WASF2: variants seen among roughly 807,000 people sequenced by gnomAD.
The protein encoded by WASF2 is actin-binding protein WASF2.
WASF2 carries 14 observed loss-of-function variants against 45.0 expected under a neutral mutation model. The ratio of observed to expected loss-of-function variants is 0.31; its 90% CI spans 0.21 to 0.49. The LOEUF (loss-of-function observed/expected upper bound fraction) is 0.49, where lower values mean the gene tolerates loss of function less well. WASF2 is among the 20% of genes least tolerant of loss of function. WASF2 has a pLI of 0.99. For missense variants in WASF2, 439 were observed against 636.1 expected, an observed-to-expected ratio of 0.69 and a Z score of 3.33; for synonymous variants, 200 against 236.3, an observed-to-expected ratio of 0.85 and a Z score of 1.41.
At chr1:27,462,906 G>A (rs754696522) in intron 1 of WASF2, among the ~76,000 whole-genome samples, 4 of 151,762 alleles carry the variant, frequency 2.6e-5, no homozygotes, top group African/African-American at 4.8e-5. Flanking sequence ...GGCAACCTTC[G>A]CCTCCTGCGT....
chr1:27,420,188 C>A (rs1341715318), intron 2 of WASF2, among the ~76,000 whole-genome samples: 1 of 152,054 alleles, frequency 6.6e-6, no homozygotes, highest in East Asian at 1.9e-4. Context: ...TACAGGTGTT[C>A]TAGCCACCAT....
Position 27,412,712 on chromosome 1 carries a change from C to T in WASF2, c.684G>A (p.Leu228=), listed in dbSNP as rs1474723816. 4 of 1,614,076 alleles carry T rather than the reference C, an allele frequency of 2.5e-6. No individual in the cohort carries two copies. Among genetic ancestry groups the T allele is most frequent in the Admixed American group, 1.7e-5 (1 of 60,004 alleles). The change falls in exon 7 of 9, where the codon TTG becomes TTA. Residue 228 remains leucine, a synonymous_variant. Transcript: ENST00000618852. ...AGCCAATGCTGCCATTCTGGTACAC[C>T]AAAGTGGGTGGATACCTGACAATGA... ...KLGTSGYPPT[L]VYQNGSIGCV...
At position 27,414,561 on chromosome 1, in the gene WASF2, T is replaced by C. The variant is rs1244036336; in HGVS notation, c.668+272A>G. On this transcript the variant is annotated intron_variant, in intron 6 of 8. Coordinates refer to ENST00000618852, the MANE Select transcript of WASF2 (RefSeq NM_006990.5). The surrounding 1 kb of genome is among the most constrained non-coding windows in gnomAD (Gnocchi z 4.1). ...CAATCTTTCCTCTGGGGCCCTTAGA[T>C]GTGTATCTCGCAGAGTAAGGGCACT... Among the ~76,000 whole-genome samples the C allele has an allele frequency of 6.6e-6, 1 of 152,168 alleles. No homozygotes were observed. Among genetic ancestry groups the C allele is most frequent in the Non-Finnish European group, 1.5e-5 (1 of 68,002 alleles).
At chr1:27,477,045 T>A (rs559969060) in intron 1 of WASF2, among the ~76,000 whole-genome samples, 1 of 152,220 alleles carries the variant, frequency 6.6e-6, no homozygotes, top group Non-Finnish European at 1.5e-5. Flanking sequence ...AACAAAATAC[T>A]GGCTGTCATT....
chr1:27,433,782 A>T (rs1028718131), intron 1 of WASF2, among the ~76,000 whole-genome samples: 2 of 152,244 alleles, frequency 1.3e-5, no homozygotes, highest in Admixed American at 6.5e-5. Context: ...TCACTAAGTG[A>T]TAAAATGTAT....
intron 1 of WASF2, among the ~76,000 whole-genome samples, chr1:27,487,564 C>T (rs868372690): frequency 9.9e-4 from 80 of 80,730 alleles, no homozygotes; most frequent in Admixed American, 2.5e-3. Context: ...ATATTTTATA[C>T]AATATATAAT....
chr1:27,477,188 T>C (rs1172925706), intron 1 of WASF2, among the ~76,000 whole-genome samples: 3 of 152,170 alleles, frequency 2.0e-5, no homozygotes, highest in Admixed American at 1.3e-4. Flanking sequence ...CCTAGAAAGA[T>C]ATCACAGAAG....
chr1:27,445,908 G>A (rs917893122), intron 1 of WASF2, among the ~76,000 whole-genome samples: 5 of 150,856 alleles, frequency 3.3e-5, no homozygotes, highest in Admixed American at 2.0e-4. Flanking sequence ...ACTCCTATGG[G>A]TAATTCTTAA....
intron 1 of WASF2, among the ~76,000 whole-genome samples, chr1:27,462,356 T>A (rs1463104863): frequency 6.6e-6 from 1 of 152,200 alleles, no homozygotes; most frequent in Non-Finnish European, 1.5e-5. Context: ...GGTTATTTTC[T>A]AAAAACAAAC....
intron 1 of WASF2, among the ~76,000 whole-genome samples, chr1:27,441,192 G>C (rs913860267): frequency 6.6e-6 from 1 of 151,562 alleles, no homozygotes; most frequent in African/African-American, 2.4e-5. Flanking sequence ...AGTTATGTTT[G>C]GATATACAAA....
chr1:27,463,358 G>A (rs924130652), intron 1 of WASF2, among the ~76,000 whole-genome samples: 10 of 151,992 alleles, frequency 6.6e-5, no homozygotes, highest in African/African-American at 1.9e-4. Context: ...GGCCGGATGC[G>A]GTGACACCTG....
Position 27,410,062 on chromosome 1 carries a change from C to T in WASF2, c.969G>A (p.Pro323=), listed in dbSNP as rs1450756869. ...TGCCTATCATTGGAGGCGGAGGTGGCGGAGGGGCAGGTGGTGGAGCAAACC... is the reference window on the plus strand; with the variant it reads ...TGCCTATCATTGGAGGCGGAGGTGGTGGAGGGGCAGGTGGTGGAGCAAACC... ...KPGFAPPPAP[P]PPPPPMIGIP... The change falls in exon 8 of 9, where the codon CCG becomes CCA. Residue 323 remains proline, a synonymous_variant. Transcript: ENST00000618852. This position sits in a 1 kb window ranked among gnomAD's most constrained non-coding sequence, Gnocchi z 4.2. 3.7e-6 allele frequency: 6 copies of T among 1,611,734 alleles called. No individual in the cohort carries two copies. Among genetic ancestry groups the T allele is most frequent in the South Asian group, 1.1e-5 (1 of 90,784 alleles).
intron 2 of WASF2, among the ~76,000 whole-genome samples, chr1:27,427,113 C>T (rs532494004): frequency 1.8e-4 from 27 of 152,236 alleles, no homozygotes; most frequent in Non-Finnish European, 3.1e-4. Flanking sequence ...GCAGCTGGTA[C>T]ATAAAATATG....
chr1:27,429,178 C>T (rs1230168441), intron 1 of WASF2, among the ~76,000 whole-genome samples: 2 of 151,900 alleles, frequency 1.3e-5, no homozygotes, highest in African/African-American at 4.8e-5. Context: ...GTGACTGCTG[C>T]CTGAGGTACA....
chr1:27,471,911 C>T (rs140557716), intron 1 of WASF2, among the ~76,000 whole-genome samples: 17 of 152,266 alleles, frequency 1.1e-4, no homozygotes, highest in Non-Finnish European at 1.9e-4. Flanking sequence ...ATCTCTTTAG[C>T]GACCTACCTA....
chr1:27,487,044 CAT>C (rs201510816), intron 1 of WASF2, among the ~76,000 whole-genome samples: 1 of 139,304 alleles, frequency 7.2e-6, no homozygotes, highest in African/African-American at 2.7e-5. Context: ...TAATCTGTTA[CAT>C]ATATTATATA....
At chr1:27,463,805 T>A (rs35181314) in intron 1 of WASF2, among the ~76,000 whole-genome samples, 21,535 of 135,786 alleles carry the variant, frequency 0.16, 1,617 homozygotes, top group Middle Eastern at 0.19. Flanking sequence ...ATTATTATTA[T>A]TTTTTTTTTT....
At chr1:27,464,559 CTT>C (rs2017589621) in intron 1 of WASF2, among the ~76,000 whole-genome samples, 1 of 152,060 alleles carries the variant, frequency 6.6e-6, no homozygotes, top group Non-Finnish European at 1.5e-5. Flanking sequence ...TCAAATGACA[CTT>C]TGGGCCACAG....
At chr1:27,432,403 C>T (rs1294522743) in intron 1 of WASF2, among the ~76,000 whole-genome samples, 1 of 151,860 alleles carries the variant, frequency 6.6e-6, no homozygotes, top group Non-Finnish European at 1.5e-5. Flanking sequence ...AATTCCAGCA[C>T]TTTGGGAGGC....
Sources: allele counts gnomAD v4.1 joint callset (sites outside exome capture counted in the v4.1 genomes callset), GRCh38; gene constraint gnomAD v4.1.1; non-coding constraint Gnocchi (gnomAD v3.1); transcripts MANE v1.5; gene names NCBI Gene and HGNC (gene_info 2026-07-23, HGNC 2026-07-21).